The following POP1 variants were observed in gnomAD, a reference collection of about 807,000 sequenced individuals.
POP1 encodes the protein ribonucleases P/MRP protein subunit POP1.
POP1 carries 75 observed loss-of-function variants against 102.2 expected under a neutral mutation model. That is an observed-to-expected ratio of 0.73 (90% CI 0.61 to 0.89). POP1 has a LOEUF of 0.89. Ranked by LOEUF, POP1 falls within the 40% of genes least tolerant of loss-of-function variation. The pLI, the probability that POP1 is intolerant of heterozygous loss-of-function variation, is 0.00. For synonymous variants in POP1, 436 were observed against 464.1 expected (o/e 0.94, Z 0.78); for missense variants, 1,116 against 1,267.4 (o/e 0.88, Z 1.81).
Position 98,156,316 on chromosome 8 carries a change from C to T in POP1, c.2324C>T (p.Ala775Val), listed in dbSNP as rs528332114. Residue 775 changes from alanine (A) to valine (V), a missense_variant, in exon 15 of 16, where the codon GCA becomes GTA. Ala to Val is a moderately conservative substitution (Grantham distance 64, BLOSUM62 0). Coordinates refer to ENST00000401707, the MANE Select transcript of POP1 (RefSeq NM_001145860.2). ...HPREAEEVMDAGCQESAGPER... is the reference protein window; with the variant it reads ...HPREAEEVMDVGCQESAGPER... ...AGGGAGGCAGAGGAGGTAATGGATG[C>T]AGGGTGTCAAGAATCGGCAGGGCCT... The T allele has an allele frequency of 6.2e-7, 1 of 1,614,098 alleles. No homozygotes were observed. The highest frequency in any genetic ancestry group is 2.2e-5 in the East Asian group (1 of 44,878).
intron 1 of POP1, among the ~76,000 whole-genome samples, chr8:98,122,215 G>T (rs1482157306): frequency 6.6e-6 from 1 of 152,128 alleles, no homozygotes; most frequent in Non-Finnish European, 1.5e-5. Flanking sequence ...GGGTGGCGGG[G>T]GTGGGGGTAG....
chr8:98,120,469 G>A (rs970134714), intron 1 of POP1, among the ~76,000 whole-genome samples: 3 of 152,110 alleles, frequency 2.0e-5, no homozygotes, highest in Non-Finnish European at 4.4e-5. Flanking sequence ...GTATGTATAT[G>A]TTTGTTCATT....
At chr8:98,155,916 T>C (rs917123483) in intron 14 of POP1, 134 bp from the exon 15 acceptor site, 3 of 433,002 alleles carry the variant, frequency 6.9e-6, no homozygotes, top group Non-Finnish European at 1.1e-5. Context: ...CTTTTGTGTG[T>C]GTGTGTGTGT....
At chr8:98,154,344 G>A (rs1809593442) in intron 14 of POP1, among the ~76,000 whole-genome samples, 1 of 152,194 alleles carries the variant, frequency 6.6e-6, no homozygotes, top group South Asian at 2.1e-4. Flanking sequence ...ACGGTGGTGT[G>A]AGCCATCTAG....
At position 98,150,561 on chromosome 8, in the gene POP1, C is replaced by T. The variant is rs377601882; in HGVS notation, c.1979C>T (p.Pro660Leu). 1.1e-5 allele frequency: 18 copies of T among 1,614,068 alleles called. No homozygotes were observed. Among genetic ancestry groups the T allele is most frequent in the Non-Finnish European group, 1.5e-5 (18 of 1,179,936 alleles). ...CAGTATAAGAGGTCGCCTAATGTCC[C>T]AGGCGATTTTCCAGACTGCCCTGCC... ...HSQYKRSPNV[P>L]GDFPDCPAGM... Residue 660 changes from proline to leucine, a missense_variant, in exon 14 of 16, where the codon CCA (proline) becomes CTA (leucine). Pro to Leu is a moderately conservative substitution (Grantham distance 98). Transcript: ENST00000401707.
At position 98,130,006 on chromosome 8, in the gene POP1, A is replaced by G; in HGVS notation, c.515A>G (p.Glu172Gly). The change falls in exon 5 of 16, where the codon GAA becomes GGA. Residue 172 changes from glutamate (E) to glycine (G), a missense_variant. Glu to Gly is a moderately conservative substitution (Grantham distance 98). Coordinates refer to ENST00000401707, the MANE Select transcript of POP1 (RefSeq NM_001145860.2). ...GAGAAAGCCGTACATCAGAAAAAAG[A>G]ACATTCAAAAAATAAATGCCATAAA... ...EAEKAVHQKK[E>G]HSKNKCHKAR... is the part of the protein sequence containing the mutation. 1 of 1,614,120 alleles carries G rather than the reference A, an allele frequency of 6.2e-7. No homozygotes were observed. Among genetic ancestry groups the G allele is most frequent in the Non-Finnish European group, 8.5e-7 (1 of 1,179,950 alleles).
chr8:98,140,227 A>G (rs1234526549), intron 10 of POP1, 38 bp downstream of exon 10: 2 of 1,577,370 alleles, frequency 1.3e-6, no homozygotes, highest in African/African-American at 1.3e-5. Context: ...TGGGGAGGGA[A>G]GGGGGCCAAA....
intron 10 of POP1, 45 bp from the exon 11 acceptor site, chr8:98,140,720 GATGT>G: frequency 1.3e-6 from 2 of 1,579,606 alleles, no homozygotes; most frequent in East Asian, 4.5e-5. Context: ...AGCAAATACA[GATGT>G]ATTATGAATG....
At chr8:98,123,846 T>C (rs1373784604) in intron 2 of POP1, among the ~76,000 whole-genome samples, 2 of 152,110 alleles carry the variant, frequency 1.3e-5, no homozygotes, top group Non-Finnish European at 2.9e-5. Flanking sequence ...TTGTCAGCTC[T>C]TTTGATAGTC....
At chr8:98,151,740 CTTTTT>C (rs755019200) in intron 14 of POP1, among the ~76,000 whole-genome samples, 1 of 112,920 alleles carries the variant, frequency 8.9e-6, no homozygotes. Context: ...GCCTGGCTTG[CTTTTT>C]TTTTTTTTTT....
chr8:98,148,750 G>A, intron 12 of POP1, 65 bp from the exon 13 acceptor site: 3 of 1,404,808 alleles, frequency 2.1e-6, no homozygotes, highest in Non-Finnish European at 3.0e-6. Flanking sequence ...TGCTTATAGG[G>A]AGACCCAGGA....
chr8:98,150,527 G>A lies in POP1; in HGVS notation c.1945G>A (p.Val649Met). 6.2e-7 allele frequency: 1 copy of A among 1,614,086 alleles called. No homozygotes were observed. The highest frequency in any genetic ancestry group is 8.5e-7 in the Non-Finnish European group (1 of 1,180,000). The change falls in exon 14 of 16, where the codon GTG becomes ATG. Residue 649 changes from valine to methionine, a missense_variant. Transcript: ENST00000401707. Reference protein sequence around the residue: ...VRVGGLKESAVHSQYKRSPNV... With the variant: ...VRVGGLKESAMHSQYKRSPNV... ...AGTCGGAGGGTTGAAAGAGTCTGCA[G>A]TGCATTCTCAGTATAAGAGGTCGCC...
chr8:98,132,462 A>T (rs1437914952), intron 5 of POP1, among the ~76,000 whole-genome samples: 1 of 152,206 alleles, frequency 6.6e-6, no homozygotes, highest in East Asian at 1.9e-4. Context: ...TGTGTGAGTG[A>T]TCATATTGAT....
At chr8:98,141,550 C>T (rs1281646164) in intron 11 of POP1, among the ~76,000 whole-genome samples, 2 of 151,584 alleles carry the variant, frequency 1.3e-5, no homozygotes, top group African/African-American at 2.4e-5. Context: ...TGTGTTGTAA[C>T]GACTTCAGAA....
At chr8:98,138,738 G>A (rs562222110) in intron 9 of POP1, among the ~76,000 whole-genome samples, 1 of 152,198 alleles carries the variant, frequency 6.6e-6, no homozygotes, top group Non-Finnish European at 1.5e-5. Context: ...CTAATAAGTT[G>A]TGGAGCAAAG....
rs747984872 is a variant in POP1, at chr8:98,153,533, C to CTTTTTTTTTTTTTTTTT, written c.2058-2510_2058-2494dup. Among the ~76,000 whole-genome samples the CTTTTTTTTTTTTTTTTT allele has an allele frequency of 4.7e-5, 4 of 85,486 alleles. 2 individuals carry two copies. Among genetic ancestry groups the CTTTTTTTTTTTTTTTTT allele is most frequent in the Admixed American group, 3.3e-4 (2 of 6,070 alleles). The allele number at this position is 85,486 out of a possible 152,430, so 56.1% of individuals were successfully genotyped here. ...ACTAGATTTACAAACAGTTCTGACT[C>CTTTTTTTTTTTTTTTTT]TTTTTTTTTTTTTTTTTTTTTTTGA... On this transcript the variant is annotated intron_variant, in intron 14 of 15. Coordinates refer to ENST00000401707, the MANE Select transcript of POP1 (RefSeq NM_001145860.2).
chr8:98,143,368 A>G (rs1365097818), intron 11 of POP1, among the ~76,000 whole-genome samples: 1 of 152,144 alleles, frequency 6.6e-6, no homozygotes, highest in South Asian at 2.1e-4. Flanking sequence ...ATTATTTTTT[A>G]GCGCAGCTTT....
chr8:98,137,410 C>T (rs1816577171), intron 9 of POP1, among the ~76,000 whole-genome samples: 1 of 152,024 alleles, frequency 6.6e-6, no homozygotes, highest in African/African-American at 2.4e-5. Flanking sequence ...TCAAGCGATT[C>T]TCCTGCCTCA....
chr8:98,131,256 A>G (rs1464302872), intron 5 of POP1, among the ~76,000 whole-genome samples: 3 of 152,064 alleles, frequency 2.0e-5, no homozygotes, highest in Non-Finnish European at 4.4e-5. Flanking sequence ...CTCATTAAAC[A>G]CTAACTCCCA....
Sources: allele counts gnomAD v4.1 joint callset (sites outside exome capture counted in the v4.1 genomes callset), GRCh38; gene constraint gnomAD v4.1.1; transcripts MANE v1.5; gene names NCBI Gene and HGNC (gene_info 2026-07-23, HGNC 2026-07-21).